HCRTR2: variants seen among roughly 807,000 people sequenced by gnomAD.
HCRTR2 encodes the protein hypocretin receptor 2.
In HCRTR2, 22 loss-of-function variants were observed where a neutral mutation model predicts 49.0. The observed-to-expected ratio is 0.45, with a 90% CI of 0.32 to 0.64. The LOEUF is 0.64. HCRTR2 is among the 30% of genes least tolerant of loss of function. The pLI is 0.04. For missense variants in HCRTR2, 491 were observed against 559.4 expected, an observed-to-expected ratio of 0.88 and a Z score of 1.23; for synonymous variants, 236 against 205.3, an observed-to-expected ratio of 1.15 and a Z score of -1.28.
In HCRTR2 at chr6:55,222,960, C is replaced by T. The variant is rs762026379; in HGVS notation, c.224-25679C>T. Among the ~76,000 whole-genome samples, 14 of 152,062 alleles carry T rather than the reference C, an allele frequency of 9.2e-5. No individual in the cohort carries two copies. The South Asian group carries it at 1.7e-3, about 18-fold the overall frequency. On this transcript the variant is annotated intron_variant, in intron 1 of 6. Transcript: ENST00000370862. ...ACCACATTTTTTTGAAAGCAAGTTG[C>T]TAAAGAATTTGCCAAATGGAATTAT...
chr6:55,110,747 T>C (rs1764037610), intron 1 of HCRTR2, among the ~76,000 whole-genome samples: 1 of 151,910 alleles, frequency 6.6e-6, no homozygotes, highest in Non-Finnish European at 1.5e-5. Flanking sequence ...ATAGTAAACC[T>C]AAGAAATGAG....
rs200599249 is a variant in HCRTR2, at chr6:55,248,839, T to C, written c.402+22T>C. On this transcript the variant is annotated intron_variant, in intron 2 of 6. Coordinates refer to ENST00000370862, the MANE Select transcript of HCRTR2 (RefSeq NM_001384272.1). ...ACAGGTAATTGTTTTTAATGCTTTT[T>C]TGAAGCTACTAAAAAGAATGTTCAG... The C allele has an allele frequency of 5.6e-6, 9 of 1,598,794 alleles. No individual in the cohort carries two copies. In the African/African-American group the frequency reaches 1.1e-4, roughly 19 times the overall value.
At chr6:55,131,911 A>G (rs559528434) in intron 1 of HCRTR2, among the ~76,000 whole-genome samples, 1 of 151,938 alleles carries the variant, frequency 6.6e-6, no homozygotes, top group African/African-American at 2.4e-5. Context: ...TGAAGCAACT[A>G]TGAAACCATG....
At chr6:55,129,326 G>A (rs1271634364) in intron 1 of HCRTR2, among the ~76,000 whole-genome samples, 2 of 152,042 alleles carry the variant, frequency 1.3e-5, no homozygotes, top group African/African-American at 4.8e-5. Flanking sequence ...CTTCCTAAAT[G>A]TGCCAACTTC....
chr6:55,210,240 A>G (rs2127291223), intron 1 of HCRTR2, among the ~76,000 whole-genome samples: 1 of 152,268 alleles, frequency 6.6e-6, no homozygotes, highest in African/African-American at 2.4e-5. Flanking sequence ...TTAAACTACT[A>G]AATACAAATA....
At chr6:55,221,198 A>G (rs1260782716) in intron 1 of HCRTR2, among the ~76,000 whole-genome samples, 1 of 152,192 alleles carries the variant, frequency 6.6e-6, no homozygotes, top group Non-Finnish European at 1.5e-5. Flanking sequence ...ATAGAAAAAA[A>G]ATCTGAGAAC....
At chr6:55,111,998 T>C (rs1052980691) in intron 1 of HCRTR2, among the ~76,000 whole-genome samples, 4 of 151,892 alleles carry the variant, frequency 2.6e-5, no homozygotes, top group Non-Finnish European at 5.9e-5. Context: ...CATATGCAAA[T>C]CAATAAATGT....
At chr6:55,221,623 C>T (rs545510171) in intron 1 of HCRTR2, among the ~76,000 whole-genome samples, 13 of 151,880 alleles carry the variant, frequency 8.6e-5, no homozygotes, top group Admixed American at 3.9e-4. Context: ...ACCATCCTGG[C>T]TAACACAGTG....
intron 1 of HCRTR2, among the ~76,000 whole-genome samples, chr6:55,194,967 T>G (rs890694419): frequency 2.6e-5 from 4 of 152,100 alleles, no homozygotes; most frequent in Non-Finnish European, 4.4e-5. Flanking sequence ...GAGTGACTCA[T>G]ATAAAATATT....
intron 1 of HCRTR2, among the ~76,000 whole-genome samples, chr6:55,120,945 C>T (rs1764190027): frequency 6.6e-6 from 1 of 152,030 alleles, no homozygotes; most frequent in South Asian, 2.1e-4. Flanking sequence ...TTAGGATTGT[C>T]TTGGCAATGT....
chr6:55,178,101 T>G (rs1053753973), intron 1 of HCRTR2, among the ~76,000 whole-genome samples: 1 of 152,144 alleles, frequency 6.6e-6, no homozygotes, highest in Admixed American at 6.5e-5. Flanking sequence ...TAAATTAGTG[T>G]GTATATCAGG....
chr6:55,219,773 T>C (rs994590516), intron 1 of HCRTR2, among the ~76,000 whole-genome samples: 4 of 151,776 alleles, frequency 2.6e-5, no homozygotes, highest in Admixed American at 2.6e-4. Flanking sequence ...AGCTGCTTTT[T>C]AAAGATCAAT....
chr6:55,196,205 C>A (rs1765406671), intron 1 of HCRTR2, among the ~76,000 whole-genome samples: 2 of 152,152 alleles, frequency 1.3e-5, no homozygotes, highest in African/African-American at 4.8e-5. Context: ...AGGAAACTAT[C>A]CTTTTGCCAT....
chr6:55,125,842 T>A (rs1199794269), intron 1 of HCRTR2, among the ~76,000 whole-genome samples: 3 of 152,202 alleles, frequency 2.0e-5, no homozygotes, highest in Admixed American at 2.0e-4. Flanking sequence ...AAATCTTGTC[T>A]TCTCACTTTA....
intron 3 of HCRTR2, among the ~76,000 whole-genome samples, chr6:55,261,826 A>G (rs1249269741): frequency 6.6e-6 from 1 of 152,180 alleles, no homozygotes; most frequent in Admixed American, 6.6e-5. Context: ...ATACCTGCAC[A>G]TGCATGTTTA....
intron 1 of HCRTR2, among the ~76,000 whole-genome samples, chr6:55,226,711 G>GTTTTTTTTTTTTTTTTTTT (rs777871106): frequency 1.3e-5 from 1 of 74,290 alleles, no homozygotes; most frequent in African/African-American, 5.9e-5. Flanking sequence ...AATTCCAGGT[G>GTTTTTTTTTTTTTTTTTTT]TTTTTTTTTT....
chr6:55,255,477 A>G, intron 3 of HCRTR2, 98 bp downstream of exon 3: 2 of 1,423,554 alleles, frequency 1.4e-6, no homozygotes, highest in South Asian at 1.2e-5. Context: ...TATATATTTT[A>G]TTGACATTTG....
intron 1 of HCRTR2, among the ~76,000 whole-genome samples, chr6:55,188,565 C>T (rs758102133): frequency 6.6e-5 from 10 of 152,178 alleles, no homozygotes; most frequent in East Asian, 3.8e-4. Flanking sequence ...CCTGAACCAA[C>T]GCACTGACTT....
At chr6:55,246,745 C>T (rs566651187) in intron 1 of HCRTR2, among the ~76,000 whole-genome samples, 27 of 152,156 alleles carry the variant, frequency 1.8e-4, no homozygotes, top group Middle Eastern at 3.4e-3. Flanking sequence ...CTTATTTTCC[C>T]ACCTGTTAAA....
Sources: allele counts gnomAD v4.1 joint callset (sites outside exome capture counted in the v4.1 genomes callset), GRCh38; gene constraint gnomAD v4.1.1; transcripts MANE v1.5; gene names NCBI Gene and HGNC (gene_info 2026-07-23, HGNC 2026-07-21).